Variants in SUPT3H observed in about 807,000 individuals in gnomAD.
The protein encoded by SUPT3H is SPT3 homolog, SAGA and STAGA complex component.
Under a neutral mutation model 44.3 loss-of-function variants are expected in SUPT3H, and 44 were observed. The ratio of observed to expected loss-of-function variants is 0.99; its 90% confidence interval spans 0.78 to 1.28. SUPT3H has a LOEUF of 1.28. Among genes scored for constraint, SUPT3H ranks in the 50% most tolerant of loss-of-function variants. SUPT3H has a pLI of 0.00. For missense variants in SUPT3H, 380 were observed against 387.1 expected, an observed-to-expected ratio of 0.98 and a Z score of 0.15; for synonymous variants, 124 against 125.6, an observed-to-expected ratio of 0.99 and a Z score of 0.09.
chr6:45,130,452 C>T (rs1213896273), intron 2 of SUPT3H, among the ~76,000 whole-genome samples: 2 of 151,962 alleles, frequency 1.3e-5, no homozygotes, highest in South Asian at 2.1e-4. Context: ...TTGTTTTCCT[C>T]TTTTCAGTTA....
At chr6:44,950,368 C>T (rs1249452913) in intron 9 of SUPT3H, among the ~76,000 whole-genome samples, 1 of 152,166 alleles carries the variant, frequency 6.6e-6, no homozygotes, top group Non-Finnish European at 1.5e-5. Flanking sequence ...ATCTCAAAAT[C>T]ATTTTAATGT....
intron 10 of SUPT3H, among the ~76,000 whole-genome samples, chr6:44,905,527 C>A (rs531525943): frequency 8.5e-4 from 128 of 151,402 alleles, no homozygotes; most frequent in Non-Finnish European, 1.6e-3. Context: ...ACAACAGGTG[C>A]TGGAGAGGAT....
intron 2 of SUPT3H, among the ~76,000 whole-genome samples, chr6:45,241,896 T>C (rs1482236434): frequency 6.6e-6 from 1 of 152,136 alleles, no homozygotes; most frequent in African/African-American, 2.4e-5. Context: ...CATAGGATCC[T>C]TTGAGGAAAG....
intron 2 of SUPT3H, among the ~76,000 whole-genome samples, chr6:45,238,040 T>C (rs1047674267): frequency 9.8e-5 from 15 of 152,316 alleles, no homozygotes; most frequent in Non-Finnish European, 1.8e-4. Flanking sequence ...TGCAGCCTGC[T>C]AAGCATTTTC....
intron 5 of SUPT3H, among the ~76,000 whole-genome samples, chr6:45,011,338 A>C (rs922046997): frequency 5.3e-5 from 8 of 152,062 alleles, no homozygotes; most frequent in Non-Finnish European, 1.2e-4. Flanking sequence ...TTAAGCTACT[A>C]ATTTAACCTT....
chr6:45,243,555 AAAG>A (rs1770791762), intron 2 of SUPT3H, among the ~76,000 whole-genome samples: 1 of 152,192 alleles, frequency 6.6e-6, no homozygotes, highest in Non-Finnish European at 1.5e-5. Flanking sequence ...AGAGATTGTA[AAAG>A]AAGAGGCATA....
intron 2 of SUPT3H, among the ~76,000 whole-genome samples, chr6:45,284,787 AC>A (rs1165746762): frequency 1.3e-5 from 2 of 152,188 alleles, no homozygotes; most frequent in African/African-American, 4.8e-5. Flanking sequence ...CAGAGACACA[AC>A]AAAAAAAGAG....
intron 6 of SUPT3H, among the ~76,000 whole-genome samples, chr6:44,963,585 T>C (rs1363685997): frequency 1.3e-5 from 2 of 152,236 alleles, no homozygotes; most frequent in African/African-American, 4.8e-5. Flanking sequence ...TTTTGATATT[T>C]AAATGCATGA....
intron 10 of SUPT3H, among the ~76,000 whole-genome samples, chr6:44,902,108 G>A (rs1471046176): frequency 1.3e-5 from 2 of 152,140 alleles, no homozygotes; most frequent in Non-Finnish European, 1.5e-5. Context: ...GGAAGAAACT[G>A]CATCAACTAA....
chr6:44,973,781 G>C (rs1290233184), intron 6 of SUPT3H, among the ~76,000 whole-genome samples: 2 of 152,152 alleles, frequency 1.3e-5, no homozygotes, highest in African/African-American at 4.8e-5. Flanking sequence ...AATCATGGCA[G>C]AAGGGGAAGC....
chr6:45,334,229 T>C (rs1427253914), intron 2 of SUPT3H, among the ~76,000 whole-genome samples: 1 of 151,196 alleles, frequency 6.6e-6, no homozygotes, highest in Non-Finnish European at 1.5e-5. Context: ...AATTTTATTT[T>C]ACATTTCAGT....
chr6:45,069,009 A>G (rs796230367), intron 3 of SUPT3H, among the ~76,000 whole-genome samples: 2 of 152,092 alleles, frequency 1.3e-5, no homozygotes, highest in Admixed American at 6.5e-5. Context: ...ATAAAATAAA[A>G]TAAAGAGTAC....
chr6:44,848,303 T>C (rs1018885941), intron 10 of SUPT3H, among the ~76,000 whole-genome samples: 10 of 152,160 alleles, frequency 6.6e-5, no homozygotes, highest in African/African-American at 2.4e-4. Flanking sequence ...GGAGGTCTTT[T>C]ATTGATTTCT....
At chr6:45,120,441 A>AC (rs1801489312) in intron 2 of SUPT3H, among the ~76,000 whole-genome samples, 68 of 145,004 alleles carry the variant, frequency 4.7e-4, no homozygotes, top group South Asian at 4.6e-3. Flanking sequence ...AAAAAAAAAA[A>AC]GACTATATAA....
chr6:44,971,795 C>T (rs141912400), intron 6 of SUPT3H, among the ~76,000 whole-genome samples: 1,570 of 151,942 alleles, frequency 0.01, 35 homozygotes, highest in African/African-American at 0.036. Flanking sequence ...TTTCTTGAGA[C>T]GGAGTCTCAC....
chr6:45,011,505 G>A (rs771649681), intron 5 of SUPT3H, among the ~76,000 whole-genome samples: 25 of 151,856 alleles, frequency 1.6e-4, no homozygotes, highest in Non-Finnish European at 3.2e-4. Context: ...AACTTGAGGT[G>A]CCATTTCCTT....
chr6:45,166,764 A>C (rs1460315762), intron 2 of SUPT3H, among the ~76,000 whole-genome samples: 1 of 152,222 alleles, frequency 6.6e-6, no homozygotes, highest in East Asian at 1.9e-4. Context: ...GCTAAGAGGG[A>C]CATGAAAAGA....
chr6:45,333,822 C>A (rs1788003836), intron 2 of SUPT3H, among the ~76,000 whole-genome samples: 1 of 151,060 alleles, frequency 6.6e-6, no homozygotes, highest in Non-Finnish European at 1.5e-5. Context: ...ACTCATAAAT[C>A]CAATATACAC....
chr6:44,903,124 G>A (rs541360096), intron 10 of SUPT3H, among the ~76,000 whole-genome samples: 108 of 152,242 alleles, frequency 7.1e-4, no homozygotes, highest in African/African-American at 2.5e-3. Context: ...AAAAGAACTA[G>A]AGAAGCAAGA....
Sources: gnomAD v4.1 joint callset for allele counts (sites outside exome capture counted in the v4.1 genomes callset) on GRCh38, gnomAD v4.1.1 for gene constraint, MANE v1.5 for transcripts, NCBI Gene and HGNC (gene_info 2026-07-23, HGNC 2026-07-21) for gene names.